SLC39A11: variants seen among roughly 807,000 people sequenced by gnomAD.
SLC39A11 encodes the protein solute carrier family 39 member 11, also known as zinc transporter ZIP11.
A neutral mutation model predicts 36.1 loss-of-function variants in SLC39A11; 33 were observed. The ratio of observed to expected loss-of-function variants is 0.91; its 90% CI spans 0.69 to 1.22. The LOEUF is 1.22. SLC39A11 is among the 50% of genes most tolerant of loss of function. The probability of loss-of-function intolerance (pLI) is 0.00; values close to 1 mark genes in which losing one functional copy is unlikely to be tolerated. For missense variants in SLC39A11, 432 were observed against 430.3 expected (o/e 1.00, Z -0.03); for synonymous variants, 166 against 170.3 (o/e 0.97, Z 0.20).
chr17:72,967,960 T>C (rs2087138604), intron 4 of SLC39A11, among the ~76,000 whole-genome samples: 2 of 152,090 alleles, frequency 1.3e-5, no homozygotes, highest in Admixed American at 1.3e-4. Context: ...GGAGAACTAA[T>C]AGCATTCACC....
chr17:72,707,824 C>G (rs533919792), intron 7 of SLC39A11, among the ~76,000 whole-genome samples: 5 of 152,208 alleles, frequency 3.3e-5, no homozygotes, highest in Non-Finnish European at 7.3e-5. Context: ...AGCCTTGAAG[C>G]CTCTTTTTAT....
intron 6 of SLC39A11, among the ~76,000 whole-genome samples, chr17:72,757,404 G>C (rs1235512344): frequency 6.6e-6 from 1 of 152,142 alleles, no homozygotes; most frequent in Non-Finnish European, 1.5e-5. Flanking sequence ...GCTGCTCCCA[G>C]TTATTTCCTG....
At chr17:73,053,363 C>T (rs1298507562) in intron 3 of SLC39A11, among the ~76,000 whole-genome samples, 1 of 151,882 alleles carries the variant, frequency 6.6e-6, no homozygotes, top group Non-Finnish European at 1.5e-5. Context: ...TAAGTAGTAA[C>T]CCTGAGGGCC....
chr17:72,976,589 G>A (rs1218251184), intron 4 of SLC39A11, among the ~76,000 whole-genome samples: 22 of 152,304 alleles, frequency 1.4e-4, no homozygotes, highest in Admixed American at 1.0e-3. Context: ...GGTGGCTCAC[G>A]CCTGTAATCC....
intron 6 of SLC39A11, among the ~76,000 whole-genome samples, chr17:72,747,597 C>T (rs933581601): frequency 1.3e-5 from 2 of 152,188 alleles, no homozygotes; most frequent in Non-Finnish European, 2.9e-5. Context: ...ATCAGGAGAG[C>T]CGACTCACAG....
intron 5 of SLC39A11, among the ~76,000 whole-genome samples, chr17:72,858,794 T>C (rs1598144002): frequency 6.6e-6 from 1 of 152,220 alleles, no homozygotes; most frequent in African/African-American, 2.4e-5. Context: ...ATTGTTGGCA[T>C]ATAGAAATAC....
intron 5 of SLC39A11, among the ~76,000 whole-genome samples, chr17:72,935,523 T>TAA (rs1242666310): frequency 6.6e-6 from 1 of 152,224 alleles, no homozygotes; most frequent in Non-Finnish European, 1.5e-5. Flanking sequence ...AGAATGAGCT[T>TAA]TATGATATAT....
intron 6 of SLC39A11, among the ~76,000 whole-genome samples, chr17:72,746,234 A>G (rs1028843929): frequency 6.6e-6 from 1 of 152,206 alleles, no homozygotes; most frequent in Non-Finnish European, 1.5e-5. Context: ...CACTTCACCA[A>G]TAAATACAGG....
intron 5 of SLC39A11, among the ~76,000 whole-genome samples, chr17:72,862,248 G>C (rs760801994): frequency 6.6e-6 from 1 of 152,200 alleles, no homozygotes; most frequent in Non-Finnish European, 1.5e-5. Context: ...TGCTTTCTGA[G>C]ATGGAAGTGT....
chr17:72,706,608 G>A (rs1226798303), intron 7 of SLC39A11, among the ~76,000 whole-genome samples: 6 of 152,220 alleles, frequency 3.9e-5, no homozygotes, highest in Non-Finnish European at 7.3e-5. Flanking sequence ...AATTCAGCTT[G>A]TTCACTCTTG....
chr17:72,903,271 G>GAAAAA (rs11450652), intron 5 of SLC39A11, among the ~76,000 whole-genome samples: 2 of 113,310 alleles, frequency 1.8e-5, no homozygotes, highest in African/African-American at 3.1e-5. Flanking sequence ...GTCTCGAAAA[G>GAAAAA]AAAAAAAAAA....
At chr17:72,737,722 A>G (rs556582969) in intron 6 of SLC39A11, among the ~76,000 whole-genome samples, 192 of 152,110 alleles carry the variant, frequency 1.3e-3, no homozygotes, top group Non-Finnish European at 2.4e-3. Flanking sequence ...TCTTTGTCTC[A>G]TTACTCTGGA....
intron 3 of SLC39A11, among the ~76,000 whole-genome samples, chr17:73,051,406 G>A (rs1372753691): frequency 6.6e-6 from 1 of 152,040 alleles, no homozygotes; most frequent in African/African-American, 2.4e-5. Flanking sequence ...GAATTTGCAG[G>A]GTGAGGACAT....
At position 72,660,555 on chromosome 17, in the gene SLC39A11, T is replaced by C. The variant is rs568692841; in HGVS notation, c.672-11287A>G. On this transcript the variant is annotated intron_variant, in intron 7 of 9. Coordinates refer to ENST00000255559, the MANE Select transcript of SLC39A11 (RefSeq NM_139177.4). Reference sequence around the variant, plus strand: ...CACATACCGGGTTTTCTGGGCCTCATGCAGACCCATCGAACCATATGGAGA... The same window carrying C: ...CACATACCGGGTTTTCTGGGCCTCACGCAGACCCATCGAACCATATGGAGA... Among the ~76,000 whole-genome samples, 139 of 152,318 alleles carry C rather than the reference T, an allele frequency of 9.1e-4. 3 individuals are homozygous for C. In the South Asian group the frequency reaches 0.027, roughly 30 times the overall value.
chr17:72,729,414 TATATATATATATATATATATATATA>T (rs2074072240), intron 7 of SLC39A11, among the ~76,000 whole-genome samples: 1 of 2,076 alleles, frequency 4.8e-4, no homozygotes, highest in African/African-American at 1.9e-3. Flanking sequence ...TTTATATATA[TATATATATATATATATATATATATA>T]TATATATATA....
At chr17:72,900,060 G>A (rs1395495054) in intron 5 of SLC39A11, among the ~76,000 whole-genome samples, 2 of 141,500 alleles carry the variant, frequency 1.4e-5, no homozygotes, top group South Asian at 2.3e-4. Context: ...GAGAAAGAAA[G>A]AAAGAGAGAG....
intron 4 of SLC39A11, among the ~76,000 whole-genome samples, chr17:72,988,962 G>A (rs2088966829): frequency 6.6e-6 from 1 of 152,172 alleles, no homozygotes; most frequent in Non-Finnish European, 1.5e-5. Context: ...TGTCATCCGA[G>A]CACTTTGGGA....
At chr17:72,825,559 G>A (rs1281707847) in intron 6 of SLC39A11, among the ~76,000 whole-genome samples, 3 of 152,158 alleles carry the variant, frequency 2.0e-5, no homozygotes, top group Non-Finnish European at 4.4e-5. Context: ...TCCAATCCCA[G>A]AATGGTAGAT....
chr17:72,850,065 G>A (rs2079234264), intron 5 of SLC39A11, among the ~76,000 whole-genome samples: 1 of 151,890 alleles, frequency 6.6e-6, no homozygotes, highest in Non-Finnish European at 1.5e-5. Context: ...AAGGACCCAC[G>A]TCACAATTGC....
Sources: gnomAD v4.1 joint callset for allele counts (sites outside exome capture counted in the v4.1 genomes callset) on GRCh38, gnomAD v4.1.1 for gene constraint, MANE v1.5 for transcripts, NCBI Gene and HGNC (gene_info 2026-07-23, HGNC 2026-07-21) for gene names.